The following PRKCB variants were observed in gnomAD, a reference collection of about 807,000 sequenced individuals.
PRKCB encodes the protein protein kinase C beta, also known as protein kinase C beta type.
A neutral mutation model predicts 81.5 loss-of-function variants in PRKCB; 13 were observed. That is an observed-to-expected ratio of 0.16 (90% CI 0.10 to 0.25). PRKCB has a LOEUF of 0.25. PRKCB is among the 10% of genes least tolerant of loss of function. PRKCB has a pLI of 1.00. For missense variants in PRKCB, 509 were observed against 875.7 expected, an observed-to-expected ratio of 0.58 and a Z score of 5.29; for synonymous variants, 335 against 321.4, an observed-to-expected ratio of 1.04 and a Z score of -0.45.
At chr16:23,934,733 C>T (rs528078762) in intron 2 of PRKCB, among the ~76,000 whole-genome samples, 7 of 151,992 alleles carry the variant, frequency 4.6e-5, no homozygotes, top group Non-Finnish European at 1.0e-4. Flanking sequence ...GATGGGGGCA[C>T]TAGAGGGTGG....
intron 5 of PRKCB, among the ~76,000 whole-genome samples, chr16:24,047,182 C>CA (rs34227077): frequency 0.01 from 1,555 of 148,788 alleles, 24 homozygotes; most frequent in African/African-American, 0.023. Context: ...ACTAAAAATA[C>CA]AAAAAAAAAA....
intron 2 of PRKCB, among the ~76,000 whole-genome samples, chr16:23,849,160 C>T (rs1485132568): frequency 6.6e-6 from 1 of 152,264 alleles, no homozygotes; most frequent in Non-Finnish European, 1.5e-5. Flanking sequence ...GAATTGCAAT[C>T]TGTGATCGCC....
In PRKCB at chr16:24,216,726, A is replaced by T; in HGVS notation, c.*1910A>T. The stretch of plus-strand genomic sequence containing the variant: ...TGGCAATCAGGACCTAAGGTGAAGC[A>T]AACTTGAAGTTCTATCTGACAAGTT... On this transcript the variant is annotated 3_prime_UTR_variant, in exon 17 of 17. Coordinates refer to ENST00000643927, the MANE Select transcript of PRKCB (RefSeq NM_002738.7). 1 of 985,488 alleles carries T rather than the reference A, an allele frequency of 1.0e-6. No homozygotes were observed. Among genetic ancestry groups the T allele is most frequent in the Non-Finnish European group, 1.2e-6 (1 of 829,964 alleles). The allele number at this position is 985,488 out of a possible 1,614,324, so 61.0% of individuals were successfully genotyped here. A position where few individuals can be genotyped will look rare whatever the true frequency, so the allele number is the denominator to read the frequency against.
At chr16:24,158,608 G>A (rs1880654917) in intron 10 of PRKCB, among the ~76,000 whole-genome samples, 1 of 151,846 alleles carries the variant, frequency 6.6e-6, no homozygotes, top group Non-Finnish European at 1.5e-5. Flanking sequence ...GTGTGTATGT[G>A]TGTGTGTGTG....
At chr16:24,045,071 C>T (rs1028099394) in intron 5 of PRKCB, among the ~76,000 whole-genome samples, 3 of 151,964 alleles carry the variant, frequency 2.0e-5, no homozygotes, top group Admixed American at 6.6e-5. Context: ...GTTTTCATTA[C>T]GTTTCACAGG....
intron 5 of PRKCB, among the ~76,000 whole-genome samples, chr16:24,083,050 T>C (rs1326564133): frequency 6.6e-6 from 1 of 152,104 alleles, no homozygotes; most frequent in Non-Finnish European, 1.5e-5. Flanking sequence ...TACCAAATAA[T>C]ACAAGGATGG....
intron 2 of PRKCB, among the ~76,000 whole-genome samples, chr16:23,973,440 C>A (rs946845556): frequency 6.6e-6 from 1 of 152,092 alleles, no homozygotes; most frequent in African/African-American, 2.4e-5. Context: ...GCCTCGGCCT[C>A]TCAAAGTGCT....
intron 2 of PRKCB, among the ~76,000 whole-genome samples, chr16:23,866,497 ATTG>A (rs1238369369): frequency 6.6e-6 from 1 of 152,154 alleles, no homozygotes. Flanking sequence ...CCAGAAGCCT[ATTG>A]TTTGTAAATT....
intron 5 of PRKCB, among the ~76,000 whole-genome samples, chr16:24,086,898 T>TA (rs1170796583): frequency 2.6e-5 from 4 of 152,214 alleles, no homozygotes; most frequent in Admixed American, 6.5e-5. Context: ...GGAGGGCCTT[T>TA]AAAATTTTTT....
intron 5 of PRKCB, among the ~76,000 whole-genome samples, chr16:24,090,679 G>A (rs1966365551): frequency 6.6e-6 from 1 of 152,188 alleles, no homozygotes; most frequent in Admixed American, 6.5e-5. Context: ...CTGACGAATA[G>A]GGGAAGATTT....
At chr16:24,169,902 G>A (rs1374810801) in intron 10 of PRKCB, among the ~76,000 whole-genome samples, 7 of 151,908 alleles carry the variant, frequency 4.6e-5, no homozygotes, top group African/African-American at 7.3e-5. Flanking sequence ...CCAGCCTCTC[G>A]AGTAGCTGGG....
At chr16:24,134,743 C>T (rs1356125046) in intron 9 of PRKCB, among the ~76,000 whole-genome samples, 8 of 140,218 alleles carry the variant, frequency 5.7e-5, no homozygotes, top group South Asian at 4.8e-4. Context: ...AGCGAGACTC[C>T]GTCTCAAAGG....
intron 2 of PRKCB, among the ~76,000 whole-genome samples, chr16:23,983,289 C>T (rs1821745945): frequency 1.3e-5 from 2 of 152,158 alleles, no homozygotes; most frequent in Admixed American, 1.3e-4. Context: ...TTTTCAGAAA[C>T]ACACTGTGTA....
chr16:23,935,936 G>A (rs1387696721), intron 2 of PRKCB, among the ~76,000 whole-genome samples: 1 of 152,124 alleles, frequency 6.6e-6, no homozygotes, highest in African/African-American at 2.4e-5. Context: ...CCAGGGTGAC[G>A]GGATCTGTAC....
chr16:24,019,326 A>AT, intron 3 of PRKCB, among the ~76,000 whole-genome samples: 1 of 152,296 alleles, frequency 6.6e-6, no homozygotes, highest in Middle Eastern at 3.4e-3. Context: ...CCTGGGCAAC[A>AT]TAGTGAGACC....
chr16:23,888,783 G>C (rs1363263747), intron 2 of PRKCB, among the ~76,000 whole-genome samples: 1 of 152,130 alleles, frequency 6.6e-6, no homozygotes, highest in Non-Finnish European at 1.5e-5. Flanking sequence ...TGCAGGGACT[G>C]GGTAACAGGC....
intron 9 of PRKCB, among the ~76,000 whole-genome samples, chr16:24,128,051 G>GAAA (rs1555498515): frequency 2.0e-5 from 3 of 151,274 alleles, no homozygotes; most frequent in Admixed American, 2.0e-4. Flanking sequence ...CTTAACCCAG[G>GAAA]AAAACAAAAC....
At chr16:23,868,498 G>C (rs1004634749) in intron 2 of PRKCB, among the ~76,000 whole-genome samples, 3 of 152,174 alleles carry the variant, frequency 2.0e-5, no homozygotes, top group Non-Finnish European at 2.9e-5. Context: ...TTTTCACAAT[G>C]ACCTATCAGT....
At chr16:24,136,797 C>T (rs80150923) in intron 9 of PRKCB, among the ~76,000 whole-genome samples, 1,558 of 152,212 alleles carry the variant, frequency 0.01, 37 homozygotes, top group African/African-American at 0.035. Context: ...AAGAAGAAAA[C>T]GACGGGCCTG....
Sources: allele counts gnomAD v4.1 joint callset (sites outside exome capture counted in the v4.1 genomes callset), GRCh38; gene constraint gnomAD v4.1.1; transcripts MANE v1.5; gene names NCBI Gene and HGNC (gene_info 2026-07-23, HGNC 2026-07-21).